Variants in SLC37A2 observed in about 807,000 individuals in gnomAD.
SLC37A2 encodes glucose-6-phosphate exchanger SLC37A2.
SLC37A2 carries 59 observed loss-of-function variants against 70.7 expected under a neutral mutation model. That is an observed-to-expected ratio of 0.83 (90% CI 0.68 to 1.04). The LOEUF (loss-of-function observed/expected upper bound fraction) is 1.04. SLC37A2 is among the 50% of genes least tolerant of loss of function. The pLI, the probability that SLC37A2 is intolerant of heterozygous loss-of-function variation, is 0.00. For missense variants in SLC37A2, 580 were observed against 658.1 expected (o/e 0.88, Z 1.30); for synonymous variants, 257 against 262.1 (o/e 0.98, Z 0.19).
chr11:125,065,931 A>G (rs78046052), intron 1 of SLC37A2, among the ~76,000 whole-genome samples: 6,319 of 152,334 alleles, frequency 0.041, 155 homozygotes, highest in Middle Eastern at 0.078. Flanking sequence ...AATATAGCCT[A>G]AGAAGAAAGA....
At chr11:125,084,502 C>G (rs996467218) in intron 12 of SLC37A2, among the ~76,000 whole-genome samples, 183 bp downstream of exon 12, 8 of 152,304 alleles carry the variant, frequency 5.3e-5, no homozygotes, top group Admixed American at 4.6e-4. Flanking sequence ...GGAAAAAGAG[C>G]CAGACTGCAG....
At position 125,080,708 on chromosome 11, in the gene SLC37A2, G is replaced by A. The variant is rs1203391986; in HGVS notation, c.622G>A (p.Gly208Ser). ...CGGCATCTGGGTGAACGGGCAGTGG[G>A]GCCTGTCGTTCATCGTGCCTGGCAT... is the stretch of plus-strand genomic sequence containing the variant. Reference protein sequence around the residue: ...IAGIWVNGQWGLSFIVPGIIT... With the variant: ...IAGIWVNGQWSLSFIVPGIIT... Residue 208 changes from glycine (G) to serine (S), a missense_variant, in exon 7 of 18, where the codon GGC (glycine) becomes AGC (serine). Physicochemically the swap from Gly to Ser is moderately conservative, Grantham distance 56 (BLOSUM62 0). Coordinates refer to ENST00000403796, the MANE Select transcript of SLC37A2 (RefSeq NM_001145290.2). The surrounding 1 kb of genome is among the most constrained non-coding windows in gnomAD (Gnocchi z 4.3). The A allele has an allele frequency of 3.2e-6, 5 of 1,576,644 alleles. No individual in the cohort carries two copies. Among genetic ancestry groups the A allele is most frequent in the Non-Finnish European group, 4.3e-6 (5 of 1,160,508 alleles).
At chr11:125,079,346 CCT>C (rs1263140592) in intron 5 of SLC37A2, 99 bp downstream of exon 5, 2 of 1,479,128 alleles carry the variant, frequency 1.4e-6, no homozygotes, top group African/African-American at 2.8e-5. Flanking sequence ...TTCCTGGCTC[CCT>C]GTCCAGTGCT....
chr11:125,084,844 T>C lies in SLC37A2; in HGVS notation c.1145T>C (p.Ile382Thr). ...TCTCAGATGTTCCTGTACAACTACA[T>C]TGGCCAGGACGGGATTGCCAGCTCC... The part of the protein sequence containing the change: ...AAPMMFLYNY[I>T]GQDGIASSIV... The change falls in exon 13 of 18, where the codon ATT becomes ACT. Residue 382 changes from isoleucine to threonine, a missense_variant. Physicochemically the swap from Ile to Thr is moderately conservative, Grantham distance 89. Transcript: ENST00000403796. 1 of 1,613,888 alleles carries C rather than the reference T, an allele frequency of 6.2e-7. No homozygotes were observed. Among genetic ancestry groups the C allele is most frequent in the Non-Finnish European group, 8.5e-7 (1 of 1,179,916 alleles).
intron 1 of SLC37A2, among the ~76,000 whole-genome samples, chr11:125,065,750 T>A (rs1948973969): frequency 6.6e-6 from 1 of 150,916 alleles, no homozygotes; most frequent in Non-Finnish European, 1.5e-5. Context: ...AATTATGTAC[T>A]GGTAAAAAAA....
At chr11:125,085,501 C>G in intron 15 of SLC37A2, 28 bp downstream of exon 15, 1 of 1,613,538 alleles carries the variant, frequency 6.2e-7, no homozygotes, top group Non-Finnish European at 8.5e-7. Context: ...TGTTGTGGGC[C>G]GGCCCCTAGG....
Position 125,063,455 on chromosome 11 carries a change from C to G in SLC37A2, c.59+29C>G. 1 of 1,599,504 alleles carries G rather than the reference C, an allele frequency of 6.3e-7. No individual in the cohort carries two copies. The highest frequency in any genetic ancestry group is 8.5e-7 in the Non-Finnish European group (1 of 1,173,656). Reference sequence around the variant, plus strand: ...AGCGGGGCAGGGGAGGGAGGCGTGCCGGGACCTCCTGGGCTCGGGGCTTGC... The same window carrying G: ...AGCGGGGCAGGGGAGGGAGGCGTGCGGGGACCTCCTGGGCTCGGGGCTTGC... On this transcript the variant is annotated intron_variant, in intron 1 of 17. Coordinates refer to ENST00000403796, the MANE Select transcript of SLC37A2 (RefSeq NM_001145290.2). This position sits in a 1 kb window ranked among gnomAD's most constrained non-coding sequence, Gnocchi z 5.4.
At chr11:125,073,516 T>C (rs1949051212) in intron 1 of SLC37A2, among the ~76,000 whole-genome samples, 1 of 152,236 alleles carries the variant, frequency 6.6e-6, no homozygotes, top group African/African-American at 2.4e-5. Context: ...TCCTTCTTCC[T>C]GGTCTGAACA....
intron 2 of SLC37A2, 110 bp from the exon 3 acceptor site, chr11:125,077,120 C>G (rs12276396): frequency 0.27 from 242,904 of 893,310 alleles, 35,778 homozygotes; most frequent in African/African-American, 0.48. Context: ...GTGCCAGTAG[C>G]GGGGACATAG....
chr11:125,072,105 G>C (rs1201541025), intron 1 of SLC37A2, among the ~76,000 whole-genome samples: 1 of 152,078 alleles, frequency 6.6e-6, no homozygotes, highest in Non-Finnish European at 1.5e-5. Flanking sequence ...CCTCTGCTGG[G>C]CTGTTTCTTG....
At chr11:125,085,291 C>T in intron 14 of SLC37A2, 104 bp from the exon 15 acceptor site, 3 of 1,331,586 alleles carry the variant, frequency 2.3e-6, no homozygotes, top group Non-Finnish European at 3.2e-6. Flanking sequence ...TCCTCTCAAG[C>T]CCAAACCCCA....
rs1037110820 is a variant in SLC37A2, at chr11:125,080,056, G to A, written c.527+296G>A. On this transcript the variant is annotated intron_variant, in intron 6 of 17. Transcript: ENST00000403796. This position sits in a 1 kb window ranked among gnomAD's most constrained non-coding sequence, Gnocchi z 4.3. ...CGCCCTGCCCCCCAACCCCGACCCC[G>A]AATTGGCTTGTGTGCAAAACAAAGT... Among the ~76,000 whole-genome samples the A allele has an allele frequency of 2.0e-5, 3 of 152,234 alleles. No individual in the cohort carries two copies. The highest frequency in any genetic ancestry group is 1.3e-4 in the Admixed American group (2 of 15,286).
rs771781430 is a variant in SLC37A2, at chr11:125,082,352, G to C, written c.976+18G>C. The C allele has an allele frequency of 6.8e-6, 11 of 1,611,200 alleles. No individual in the cohort carries two copies. Among genetic ancestry groups the C allele is most frequent in the Non-Finnish European group, 9.3e-6 (11 of 1,177,500 alleles). On this transcript the variant is annotated intron_variant, in intron 10 of 17. Transcript: ENST00000403796. ...CAATGTGGGTAAGTCCAAGAGAAGGGGAATGAAGGGGTCTCTGAGGAGGCC... is the reference window on the plus strand; with the variant it reads ...CAATGTGGGTAAGTCCAAGAGAAGGCGAATGAAGGGGTCTCTGAGGAGGCC...
At chr11:125,077,376 A>G in intron 3 of SLC37A2, 53 bp downstream of exon 3, 1 of 1,592,742 alleles carries the variant, frequency 6.3e-7, no homozygotes, top group Non-Finnish European at 8.6e-7. Flanking sequence ...TTCCTCGAGA[A>G]GGGGCTGTCC....
chr11:125,081,557 C>T (rs1344528664), intron 8 of SLC37A2, 99 bp downstream of exon 8: 1 of 1,430,902 alleles, frequency 7.0e-7, no homozygotes, highest in Non-Finnish European at 9.5e-7. Context: ...AGTTCTGGCC[C>T]TCACTGACCT....
intron 1 of SLC37A2, among the ~76,000 whole-genome samples, chr11:125,064,162 A>G (rs1331503242): frequency 6.6e-6 from 1 of 152,248 alleles, no homozygotes; most frequent in Non-Finnish European, 1.5e-5. Flanking sequence ...AAATCATAAA[A>G]TTTAACAAAA....
chr11:125,088,067 C>CT (rs1486703260), intron 17 of SLC37A2, 52 bp from the exon 18 acceptor site: 3 of 1,546,816 alleles, frequency 1.9e-6, no homozygotes, highest in Admixed American at 2.0e-5. Flanking sequence ...TCAGCAGGAG[C>CT]TTATGAAGTC....
chr11:125,075,384 C>T (rs1430531717), intron 1 of SLC37A2, among the ~76,000 whole-genome samples: 1 of 152,252 alleles, frequency 6.6e-6, no homozygotes, highest in Non-Finnish European at 1.5e-5. Flanking sequence ...CTGTGACAGG[C>T]ACTTGGAGTA....
At chr11:125,068,542 C>T (rs1949001841) in intron 1 of SLC37A2, among the ~76,000 whole-genome samples, 1 of 152,140 alleles carries the variant, frequency 6.6e-6, no homozygotes, top group Admixed American at 6.5e-5. Context: ...CCCTGCTCTA[C>T]TTATTGAGTG....
Sources: allele counts gnomAD v4.1 joint callset (sites outside exome capture counted in the v4.1 genomes callset), GRCh38; gene constraint gnomAD v4.1.1; non-coding constraint Gnocchi (gnomAD v3.1); transcripts MANE v1.5; gene names NCBI Gene and HGNC (gene_info 2026-07-23, HGNC 2026-07-21).